The following GFPT1 variants were observed in gnomAD, a reference collection of about 807,000 sequenced individuals.
GFPT1 encodes the protein glutamine--fructose-6-phosphate transaminase 1.
Under a neutral mutation model 92.0 loss-of-function variants are expected in GFPT1, and 40 were observed. That is an observed-to-expected ratio of 0.43 (90% CI 0.34 to 0.57). GFPT1 has a LOEUF of 0.57. GFPT1 is among the 20% of genes least tolerant of loss of function. The pLI is 0.02. For synonymous variants in GFPT1, 269 were observed against 280.6 expected, an observed-to-expected ratio of 0.96 and a Z score of 0.41; for missense variants, 448 against 869.1, an observed-to-expected ratio of 0.52 and a Z score of 6.09.
chr2:69,349,587 AT>A (rs1671159944), intron 10 of GFPT1, among the ~76,000 whole-genome samples: 1 of 152,194 alleles, frequency 6.6e-6, no homozygotes, highest in Non-Finnish European at 1.5e-5. Context: ...GCATGTAAAC[AT>A]CCCCCTGCAT....
intron 3 of GFPT1, among the ~76,000 whole-genome samples, chr2:69,368,798 G>A (rs1671672039): frequency 6.6e-6 from 1 of 151,742 alleles, no homozygotes; most frequent in African/African-American, 2.4e-5. Context: ...ATTGAAAAAT[G>A]GTGATTCTGT....
At chr2:69,339,794 A>AT (rs1670892503) in intron 13 of GFPT1, among the ~76,000 whole-genome samples, 1 of 152,186 alleles carries the variant, frequency 6.6e-6, no homozygotes, top group African/African-American at 2.4e-5. Context: ...TTGATTTGGC[A>AT]TTTTTTAACA....
chr2:69,357,209 C>T (rs567605353), intron 6 of GFPT1, among the ~76,000 whole-genome samples: 48 of 152,212 alleles, frequency 3.2e-4, no homozygotes, highest in African/African-American at 1.0e-3. Context: ...ATCAGAGGAA[C>T]GACAGAATTA....
chr2:69,355,537 G>GGCTA lies in GFPT1; in HGVS notation c.605+955_605+958dup, dbSNP rs550066797. Among the ~76,000 whole-genome samples the GGCTA allele has an allele frequency of 2.3e-4, 35 of 152,254 alleles. No homozygotes were observed. In the East Asian group the frequency reaches 6.2e-3, roughly 27 times the overall value. On this transcript the variant is annotated intron_variant, in intron 7 of 19. Transcript: ENST00000357308. ...TGCAAAGTTGAGTAGTTGCTACAGA[G>GGCTA]GCTACATGGTCCAGAAAGCCTAAAA...
At chr2:69,341,148 G>GGGT (rs1365172361) in intron 13 of GFPT1, among the ~76,000 whole-genome samples, 1 of 151,628 alleles carries the variant, frequency 6.6e-6, no homozygotes, top group Non-Finnish European at 1.5e-5. Context: ...GGTAGAGACG[G>GGGT]GGTCTCGCTA....
intron 12 of GFPT1, among the ~76,000 whole-genome samples, chr2:69,343,705 C>T (rs1274011656): frequency 6.6e-6 from 1 of 152,146 alleles, no homozygotes; most frequent in Non-Finnish European, 1.5e-5. Context: ...AGCCACCACG[C>T]CCAGCCAGTC....
intron 10 of GFPT1, among the ~76,000 whole-genome samples, chr2:69,349,151 C>T (rs1470871548): frequency 1.3e-5 from 2 of 152,330 alleles, no homozygotes; most frequent in Non-Finnish European, 2.9e-5. Flanking sequence ...TTCTACACTT[C>T]TGTGATCATT....
In GFPT1 at chr2:69,348,158, C is replaced by G; in HGVS notation, c.1009+13G>C. The stretch of plus-strand genomic sequence containing the variant: ...GTAAGGACAGCAAGCTATAACATGA[C>G]AAAAACTTTCACCCTTCATGATCTG... On this transcript the variant is annotated intron_variant, in intron 11 of 19. Coordinates refer to ENST00000357308, the MANE Select transcript of GFPT1 (RefSeq NM_001244710.2). 1.9e-6 allele frequency: 3 copies of G among 1,606,998 alleles called. No homozygotes were observed. Among genetic ancestry groups the G allele is most frequent in the Non-Finnish European group, 2.6e-6 (3 of 1,173,524 alleles).
At chr2:69,337,753 T>C in intron 15 of GFPT1, 145 bp downstream of exon 15, 4 of 725,744 alleles carry the variant, frequency 5.5e-6, no homozygotes, top group Non-Finnish European at 4.9e-6. Context: ...TAGTAAAATG[T>C]GTGAGTTCTA....
chr2:69,326,288 A>AGGGGGTG lies in GFPT1; in HGVS notation c.2056-62_2056-56dup. 1.0e-5 allele frequency: 12 copies of AGGGGGTG among 1,168,696 alleles called. No individual in the cohort carries two copies. In the South Asian group the frequency reaches 1.5e-4, roughly 15 times the overall value. 72.4% of individuals were successfully genotyped at this position (1,168,696 alleles called of 1,614,324 possible). On this transcript the variant is annotated intron_variant, in intron 19 of 19. Coordinates refer to ENST00000357308, the MANE Select transcript of GFPT1 (RefSeq NM_001244710.2). Reference sequence around the variant, plus strand: ...TTTGAGAGATTATATAGACTGGGGAAGGGGGTGGTTACTATAAGCAAATTA... The same window carrying AGGGGGTG: ...TTTGAGAGATTATATAGACTGGGGAAGGGGGTGGGGGGTGGTTACTATAAGCAAATTA...
chr2:69,359,177 T>G (rs948808894), intron 5 of GFPT1, 91 bp downstream of exon 5: 3 of 774,318 alleles, frequency 3.9e-6, no homozygotes, highest in Non-Finnish European at 7.2e-6. Flanking sequence ...GACACACATA[T>G]GGTGTTTGTT....
At chr2:69,363,488 C>G in intron 4 of GFPT1, 57 bp downstream of exon 4, 1 of 1,528,488 alleles carries the variant, frequency 6.5e-7, no homozygotes, top group Non-Finnish European at 9.1e-7. Context: ...AGCCTTCATT[C>G]TGCCCCCATT....
intron 7 of GFPT1, among the ~76,000 whole-genome samples, chr2:69,355,918 C>G: frequency 6.7e-6 from 1 of 149,122 alleles, no homozygotes; most frequent in Non-Finnish European, 1.5e-5. Context: ...TCCAAATTCA[C>G]AAAGTAACCT....
rs6722492 is a variant in GFPT1, at chr2:69,345,897, T to C, written c.1105+7A>G. ...CTGAAATAATAAAATAATTCATATGTAATTACCAGTATAGTCATCAAAGTT... is the reference window on the plus strand; with the variant it reads ...CTGAAATAATAAAATAATTCATATGCAATTACCAGTATAGTCATCAAAGTT... On this transcript the variant is annotated splice_region_variant and intron_variant, in intron 12 of 19. Coordinates refer to ENST00000357308, the MANE Select transcript of GFPT1 (RefSeq NM_001244710.2). 0.59 allele frequency: 799,484 copies of C among 1,363,988 alleles called. 238,445 individuals are homozygous for C. The highest frequency in any genetic ancestry group is 0.85 in the African/African-American group (59,315 of 69,818). 84.5% of individuals were successfully genotyped at this position (1,363,988 alleles called of 1,614,324 possible). A position where few individuals can be genotyped will look rare whatever the true frequency, so the allele number is the denominator to read the frequency against.
At position 69,379,326 on chromosome 2, in the gene GFPT1, T is replaced by C. The variant is rs527268583; in HGVS notation, c.8-5213A>G. On this transcript the variant is annotated intron_variant, in intron 1 of 19. Transcript: ENST00000357308. ...GAGGATCATGGGCAGGAGTTTGAGA[T>C]CAGCCTGGGCAATACAGGGAGACCC... is the stretch of plus-strand genomic sequence containing the variant. Among the ~76,000 whole-genome samples, 17 of 152,044 alleles carry C rather than the reference T, an allele frequency of 1.1e-4. No homozygotes were observed. In the South Asian group the frequency reaches 3.3e-3, roughly 30 times the overall value.
At chr2:69,337,077 T>G (rs1181519115) in intron 15 of GFPT1, among the ~76,000 whole-genome samples, 1 of 150,108 alleles carries the variant, frequency 6.7e-6, no homozygotes, top group Non-Finnish European at 1.5e-5. Context: ...TTTTTTTTTT[T>G]TTTTTTAGAT....
chr2:69,368,595 G>T (rs1025831355), intron 3 of GFPT1, among the ~76,000 whole-genome samples: 1 of 152,154 alleles, frequency 6.6e-6, no homozygotes, highest in Non-Finnish European at 1.5e-5. Context: ...GGGCATGATG[G>T]CACACGCCTG....
At chr2:69,330,965 C>A (rs976358097) in intron 15 of GFPT1, among the ~76,000 whole-genome samples, 1 of 152,184 alleles carries the variant, frequency 6.6e-6, no homozygotes, top group Non-Finnish European at 1.5e-5. Flanking sequence ...TAATCCCTGA[C>A]ACACAGGCTC....
At chr2:69,369,170 C>T (rs1208933665) in intron 3 of GFPT1, among the ~76,000 whole-genome samples, 4 of 152,044 alleles carry the variant, frequency 2.6e-5, no homozygotes, top group African/African-American at 9.7e-5. Context: ...TAATCTTACA[C>T]TACAATACAG....
Sources: gnomAD v4.1 joint callset for allele counts (sites outside exome capture counted in the v4.1 genomes callset) on GRCh38, gnomAD v4.1.1 for gene constraint, MANE v1.5 for transcripts, NCBI Gene and HGNC (gene_info 2026-07-23, HGNC 2026-07-21) for gene names.